Variants in OCSTAMP observed in about 807,000 individuals in gnomAD.
OCSTAMP encodes osteoclast stimulatory transmembrane protein.
Under a neutral mutation model 25.2 loss-of-function variants are expected in OCSTAMP, and 17 were observed. That is an observed-to-expected ratio of 0.68 (90% CI 0.46 to 1.01). The LOEUF is 1.01. Ranked by LOEUF, OCSTAMP falls within the 50% of genes least tolerant of loss-of-function variation. OCSTAMP has a pLI of 0.00. For synonymous variants in OCSTAMP, 345 were observed against 318.9 expected (o/e 1.08, Z -0.87); for missense variants, 664 against 694.6 (o/e 0.96, Z 0.50).
Position 46,550,653 on chromosome 20 carries a change from C to G in OCSTAMP, c.-93G>C. 8.3e-7 allele frequency: 1 copy of G among 1,211,260 alleles called. No individual in the cohort carries two copies. Among genetic ancestry groups the G allele is most frequent in the Non-Finnish European group, 1.2e-6 (1 of 842,158 alleles). 75.0% of individuals were successfully genotyped at this position (1,211,260 alleles called of 1,614,324 possible). On this transcript the variant is annotated 5_prime_UTR_variant, in exon 1 of 3. Transcript: ENST00000279028. ...GGGAATCGCTGGGACTTGGGAATCC[C>G]TGCCACTTCTGCTTTTCCACTCTTT...
intron 2 of OCSTAMP, among the ~76,000 whole-genome samples, chr20:46,543,079 G>A (rs1490688392): frequency 6.6e-6 from 1 of 151,918 alleles, no homozygotes; most frequent in Non-Finnish European, 1.5e-5. Flanking sequence ...CTGACTCCTC[G>A]GCCAGAGTCA....
rs2061850211 is a variant in OCSTAMP at position 46,545,848 on chromosome 20, G to A, written c.526C>T (p.Pro176Ser). 2 of 1,551,198 alleles carry A rather than the reference G, an allele frequency of 1.3e-6. No homozygotes were observed. Among genetic ancestry groups the A allele is most frequent in the Non-Finnish European group, 1.7e-6 (2 of 1,146,986 alleles). The change falls in exon 2 of 3, where the codon CCC becomes TCC. Residue 176 changes from proline to serine, a missense_variant. Transcript: ENST00000279028. ...CCCCGGCTGCCTGCCTGGCCTGTGG[G>A]GCCCAGAGCCCTGGATGCTGCATGC... is the stretch of plus-strand genomic sequence containing the variant. ...QLHAASRALG[P>S]TGQAGSRGLT...
chr20:46,548,270 G>T (rs1332230736), intron 1 of OCSTAMP, among the ~76,000 whole-genome samples: 1 of 152,120 alleles, frequency 6.6e-6, no homozygotes, highest in African/African-American at 2.4e-5. Flanking sequence ...GGGTCACTTT[G>T]TTTCTGGCAC....
At position 46,545,755 on chromosome 20, in the gene OCSTAMP, C is replaced by G. The variant is rs370639981; in HGVS notation, c.619G>C (p.Val207Leu). The part of the protein sequence containing the change: ...YLHMLRVTQQ[V>L]LEDFSGLESL... ...TCCAGGCCAGAGAAATCCTCCAGGA[C>G]CTGCTGAGTGACCCTGAGCATGTGA... The change falls in exon 2 of 3, where the codon GTC becomes CTC. Residue 207 changes from valine to leucine, a missense_variant. Coordinates refer to ENST00000279028, the MANE Select transcript of OCSTAMP (RefSeq NM_080721.3). 179 of 1,551,502 alleles carry G rather than the reference C, an allele frequency of 1.2e-4. No homozygotes were observed. The African/African-American group carries it at 2.1e-3, about 18-fold the overall frequency.
chr20:46,546,396 C>A lies in OCSTAMP; in HGVS notation c.45-67G>T, dbSNP rs543172068. On this transcript the variant is annotated intron_variant, in intron 1 of 2. Coordinates refer to ENST00000279028, the MANE Select transcript of OCSTAMP (RefSeq NM_080721.3). ...GGTGGGTGGGTGTCTGTCCACTGCC[C>A]CTGCCCCACATACCCATCACCAGGC... 5.9e-6 allele frequency: 8 copies of A among 1,362,090 alleles called. No homozygotes were observed. The Admixed American group carries it at 6.4e-5, about 11-fold the overall frequency. 84.4% of individuals were successfully genotyped at this position (1,362,090 alleles called of 1,614,324 possible).
Position 46,541,624 on chromosome 20 carries a change from G to T in OCSTAMP, c.1351C>A (p.Arg451=). ...TGGCCTTGGTGCCTGTCGTGTCTTC[G>T]CTGGAGCCGGGCGTGCAGGTGGCGG... ...RVRHLHARLQ[R]RHDRHQGQQL... The change falls in exon 3 of 3, where the codon CGA becomes AGA. Residue 451 remains arginine, a synonymous_variant. Coordinates refer to ENST00000279028, the MANE Select transcript of OCSTAMP (RefSeq NM_080721.3). 3 of 1,551,354 alleles carry T rather than the reference G, an allele frequency of 1.9e-6. No homozygotes were observed. Among genetic ancestry groups the T allele is most frequent in the Non-Finnish European group, 2.6e-6 (3 of 1,146,978 alleles).
At chr20:46,550,134 A>T (rs953230089) in intron 1 of OCSTAMP, among the ~76,000 whole-genome samples, 16 of 152,354 alleles carry the variant, frequency 1.1e-4, no homozygotes, top group Non-Finnish European at 2.1e-4. Flanking sequence ...GGAACACAGT[A>T]GCTTTTGGAA....
intron 2 of OCSTAMP, among the ~76,000 whole-genome samples, chr20:46,545,109 C>A (rs2061846681): frequency 6.6e-6 from 1 of 152,180 alleles, no homozygotes; most frequent in African/African-American, 2.4e-5. Context: ...TGGGTTTCAG[C>A]ATCCTCAACT....
rs981874372 is a variant in OCSTAMP at position 46,550,500 on chromosome 20, A to C, written c.44+17T>G. On this transcript the variant is annotated intron_variant, in intron 1 of 2. Coordinates refer to ENST00000279028, the MANE Select transcript of OCSTAMP (RefSeq NM_080721.3). ...TTCTCACCTGTAGCCCTCAGTGTCC[A>C]AAGTCCCCAGACCTACCCGGTCTTG... 6.4e-7 allele frequency: 1 copy of C among 1,551,194 alleles called. No homozygotes were observed. The highest frequency in any genetic ancestry group is 2.0e-5 in the Admixed American group (1 of 50,980).
Position 46,550,634 on chromosome 20 carries a change from C to T in OCSTAMP, c.-74G>A, listed in dbSNP as rs544542825. 8 of 1,400,426 alleles carry T rather than the reference C, an allele frequency of 5.7e-6. No homozygotes were observed. The highest frequency in any genetic ancestry group is 2.5e-5 in the East Asian group (1 of 40,170). The allele number at this position is 1,400,426 out of a possible 1,614,324, so 86.7% of individuals were successfully genotyped here. ...GCAGGTGGAGAGGAAGTGGGGGAAT[C>T]GCTGGGACTTGGGAATCCCTGCCAC... On this transcript the variant is annotated 5_prime_UTR_variant, in exon 1 of 3. Transcript: ENST00000279028.
chr20:46,541,350 G>T lies in OCSTAMP; in HGVS notation c.1625C>A (p.Thr542Asn), dbSNP rs1459116846. Reference sequence around the variant, plus strand: ...GCGTGGGAAGTAGGTCACATCAATGGTAAATATGCTGTCGTTATGCAGATG... The same window carrying T: ...GCGTGGGAAGTAGGTCACATCAATGTTAAATATGCTGTCGTTATGCAGATG... ...FLHLHNDSIF[T>N]IDVTYFPRRD... The change falls in exon 3 of 3, where the codon ACC becomes AAC. Residue 542 changes from threonine (T) to asparagine (N), a missense_variant. Transcript: ENST00000279028. 2 of 786,438 alleles carry T rather than the reference G, an allele frequency of 2.5e-6. No individual in the cohort carries two copies. The allele number at this position is 786,438 out of a possible 1,614,324, so 48.7% of individuals were successfully genotyped here.
In OCSTAMP at chr20:46,541,538, C is replaced by CGGAGGCTTGCAGGCAGGTCTG. The variant is rs1174926735; in HGVS notation, c.1416_1436dup (p.Arg473_Pro479dup). The CGGAGGCTTGCAGGCAGGTCTG allele has an allele frequency of 1.4e-5, 21 of 1,551,614 alleles. No homozygotes were observed. Among genetic ancestry groups the CGGAGGCTTGCAGGCAGGTCTG allele is most frequent in the Non-Finnish European group, 1.8e-5 (21 of 1,147,008 alleles). On this transcript the variant is annotated inframe_insertion, in exon 3 of 3. Coordinates refer to ENST00000279028, the MANE Select transcript of OCSTAMP (RefSeq NM_080721.3). ...CATCCAGCCTGTAGTCTATCCATGC[C>CGGAGGCTTGCAGGCAGGTCTG]GGAGGCTTGCAGGCAGGTCTGGGTG...
rs1167387506 is a variant in OCSTAMP at position 46,546,016 on chromosome 20, G to T, written c.358C>A (p.Arg120=). 6.4e-7 allele frequency: 1 copy of T among 1,551,232 alleles called. No homozygotes were observed. The highest frequency in any genetic ancestry group is 1.2e-5 in the South Asian group (1 of 84,052). ...VPTLGMEQGR[R]LLLSYSTATL... ...GCAGTGCTGTAGGACAGGAGCAGCC[G>T]GCGGCCCTGCTCCATACCCAGGGTG... Residue 120 remains arginine (R), a synonymous_variant, in exon 2 of 3, where the codon CGG becomes AGG. Transcript: ENST00000279028.
At chr20:46,549,992 T>C (rs751034297) in intron 1 of OCSTAMP, among the ~76,000 whole-genome samples, 10 of 152,180 alleles carry the variant, frequency 6.6e-5, no homozygotes, top group Admixed American at 1.3e-4. Flanking sequence ...CCCTGCAGAC[T>C]GCATCCTGCT....
intron 2 of OCSTAMP, 150 bp from the exon 3 acceptor site, chr20:46,542,077 G>T (rs1037598660): frequency 2.7e-5 from 32 of 1,179,220 alleles, no homozygotes; most frequent in Non-Finnish European, 3.4e-5. Flanking sequence ...GACCCAATGA[G>T]ACTAGGAGTC....
intron 1 of OCSTAMP, among the ~76,000 whole-genome samples, chr20:46,548,160 C>T (rs575929009): frequency 6.6e-6 from 1 of 152,258 alleles, no homozygotes; most frequent in Admixed American, 6.5e-5. Flanking sequence ...ATTTCTGCTC[C>T]ACCACTTGCC....
In OCSTAMP at chr20:46,545,346, G is replaced by T. The variant is rs1003265035; in HGVS notation, c.1028C>A (p.Thr343Lys). ...WAQKLPTVPI[T>K]LTVKYDVAYT... The stretch of plus-strand genomic sequence containing the variant: ...ACTTACATCATACTTGACCGTGAGC[G>T]TGATGGGCACAGTTGGCAACTTCTG... Residue 343 changes from threonine (T) to lysine (K), a missense_variant, in exon 2 of 3, where the codon ACG becomes AAG. Thr to Lys is a moderately conservative substitution (Grantham distance 78). Coordinates refer to ENST00000279028, the MANE Select transcript of OCSTAMP (RefSeq NM_080721.3). 12 of 1,479,746 alleles carry T rather than the reference G, an allele frequency of 8.1e-6. No individual in the cohort carries two copies. The East Asian group carries it at 2.5e-4, about 31-fold the overall frequency. The allele number at this position is 1,479,746 out of a possible 1,614,324, so 91.7% of individuals were successfully genotyped here.
At position 46,541,473 on chromosome 20, in the gene OCSTAMP, AG is replaced by A; in HGVS notation, c.1501del (p.Leu501PhefsTer7). ...TESSEGEGKE[L>X]WSCRDLSCNL... ...ACAACTCAGGTCTCTGCAACTCCAA[AG>A]CTCTTTCCCTTCTCCCTCACTGCTC... On this transcript the variant is annotated frameshift_variant, in exon 3 of 3. Coordinates refer to ENST00000279028, the MANE Select transcript of OCSTAMP (RefSeq NM_080721.3). LOFTEE classifies it low-confidence loss of function (END_TRUNC). The A allele has an allele frequency of 1.3e-6, 2 of 1,550,506 alleles. No homozygotes were observed. The highest frequency in any genetic ancestry group is 1.7e-6 in the Non-Finnish European group (2 of 1,145,930).
chr20:46,549,776 T>C (rs2061864617), intron 1 of OCSTAMP, among the ~76,000 whole-genome samples: 1 of 80,180 alleles, frequency 1.2e-5, no homozygotes, highest in East Asian at 3.9e-4. Flanking sequence ...AAAGGCTGAA[T>C]CATATGCAAA....
Sources: gnomAD v4.1 joint callset for allele counts (sites outside exome capture counted in the v4.1 genomes callset) on GRCh38, gnomAD v4.1.1 for gene constraint, MANE v1.5 for transcripts, NCBI Gene and HGNC (gene_info 2026-07-23, HGNC 2026-07-21) for gene names.